The following ARHGAP32 variants were observed in gnomAD, a reference collection of about 807,000 sequenced individuals.
ARHGAP32 encodes the protein rho GTPase-activating protein 32.
Under a neutral mutation model 186.5 loss-of-function variants are expected in ARHGAP32, and 51 were observed. The observed-to-expected ratio is 0.27, with a 90% confidence interval of 0.22 to 0.35. ARHGAP32 has a LOEUF of 0.35. ARHGAP32 is among the 10% of genes least tolerant of loss of function. The pLI is 1.00. For synonymous variants in ARHGAP32, 950 were observed against 964.3 expected (o/e 0.99, Z 0.27); for missense variants, 2,186 against 2,623.5 (o/e 0.83, Z 3.64).
chr11:128,974,653 C>A lies in ARHGAP32; in HGVS notation c.2544G>T (p.Lys848Asn). ...YSKDKPSANK[K>N]DAETGSSQCQ... ...ATTGGCTACTACCTGTTTCTGCATC[C>A]TTTTTATTGGCACTTGGTTTATCCT... The change falls in exon 21 of 23, where the codon AAG becomes AAT. Residue 848 changes from lysine (K) to asparagine (N), a missense_variant. Physicochemically the swap from Lys to Asn is moderately conservative, Grantham distance 94. Around this residue, in one of 5 missense-constraint regions of ARHGAP32, gnomAD observed 263 missense variants for 323.5 expected, o/e 0.81. Transcript: ENST00000682385. 1 of 1,614,150 alleles carries A rather than the reference C, an allele frequency of 6.2e-7. No individual in the cohort carries two copies. Among genetic ancestry groups the A allele is most frequent in the African/African-American group, 1.3e-5 (1 of 75,026 alleles).
chr11:129,230,004 A>G lies in ARHGAP32; in HGVS notation c.-5+49142T>C, dbSNP rs142708572. Among the ~76,000 whole-genome samples the G allele has an allele frequency of 2.8e-3, 420 of 152,166 alleles. 3 individuals carry two copies. The highest frequency in any genetic ancestry group is 9.7e-3 in the African/African-American group (402 of 41,516). Reference sequence around the variant, plus strand: ...TAATTTTTGTAATTTTTATAGAGACAAGGTTTTGCCATGTTGCCCAGGCTG... The same window carrying G: ...TAATTTTTGTAATTTTTATAGAGACGAGGTTTTGCCATGTTGCCCAGGCTG... On this transcript the variant is annotated intron_variant, in intron 1 of 6. Coordinates refer to the ARHGAP32 transcript ENST00000525234.
At chr11:129,050,623 C>T (rs957780107) in intron 10 of ARHGAP32, among the ~76,000 whole-genome samples, 8 of 152,122 alleles carry the variant, frequency 5.3e-5, no homozygotes, top group South Asian at 2.1e-4. Context: ...TCCAAAGAGC[C>T]GAAAGTTTTT....
chr11:129,049,172 G>C (rs955904750), intron 10 of ARHGAP32, among the ~76,000 whole-genome samples: 1 of 152,064 alleles, frequency 6.6e-6, no homozygotes, highest in South Asian at 2.1e-4. Context: ...AAGGAAGGGA[G>C]GAAGATAAGA....
At chr11:128,996,194 C>G (rs1002750571) in intron 12 of ARHGAP32, among the ~76,000 whole-genome samples, 11 of 152,104 alleles carry the variant, frequency 7.2e-5, no homozygotes, top group Non-Finnish European at 1.5e-4. Context: ...TCCATGATTA[C>G]AAATAAGGAT....
At chr11:129,026,443 G>A (rs1281143238) in intron 11 of ARHGAP32, among the ~76,000 whole-genome samples, 1 of 151,912 alleles carries the variant, frequency 6.6e-6, no homozygotes, top group African/African-American at 2.4e-5. Flanking sequence ...GGTGGGAGAG[G>A]CAAAAGGAGA....
chr11:128,998,310 T>C lies in ARHGAP32; in HGVS notation c.1195+9A>G, dbSNP rs1434579914. The C allele has an allele frequency of 6.4e-7, 1 of 1,558,238 alleles. No homozygotes were observed. Among genetic ancestry groups the C allele is most frequent in the Non-Finnish European group, 8.7e-7 (1 of 1,149,352 alleles). On this transcript the variant is annotated intron_variant, in intron 12 of 22. Transcript: ENST00000682385. The stretch of plus-strand genomic sequence containing the variant: ...ACTCAGAGTATAAGCTTGCACATTT[T>C]ATTTTTACCTTCAAAACCAGAATTT...
rs1945714135 is a variant in ARHGAP32, at chr11:128,981,859, A to G, written c.1604T>C (p.Leu535Pro). Residue 535 changes from leucine to proline, a missense_variant, in exon 16 of 23, where the codon CTA (leucine) becomes CCA (proline). Leu to Pro is a moderately conservative substitution (Grantham distance 98, BLOSUM62 -3). This residue lies in a region of ARHGAP32 where 308 missense variants were observed against 596.5 expected (regional missense o/e 0.52). Transcript: ENST00000682385. Reference protein sequence around the residue: ...CSITNMHAKNLAIVWAPNLLR... With the variant: ...CSITNMHAKNPAIVWAPNLLR... The stretch of plus-strand genomic sequence containing the variant: ...CAGGTTTGGAGCCCAAACAATTGCT[A>G]GATTTTTTGCATGCATATTTGTGAT... 1 of 1,613,138 alleles carries G rather than the reference A, an allele frequency of 6.2e-7. No individual in the cohort carries two copies. Among genetic ancestry groups the G allele is most frequent in the Non-Finnish European group, 8.5e-7 (1 of 1,179,564 alleles).
chr11:128,982,861 A>T (rs1280967367), intron 15 of ARHGAP32, among the ~76,000 whole-genome samples: 1 of 142,660 alleles, frequency 7.0e-6, no homozygotes, highest in Admixed American at 7.5e-5. Context: ...ACTGCACTCC[A>T]GCCTGGGTGA....
Position 129,047,721 on chromosome 11 carries a change from A to T in ARHGAP32, c.964-6712T>A, listed in dbSNP as rs567797103. Among the ~76,000 whole-genome samples the T allele has an allele frequency of 1.4e-4, 22 of 152,270 alleles. No homozygotes were observed. In the East Asian group the frequency reaches 4.3e-3, roughly 29 times the overall value. On this transcript the variant is annotated intron_variant, in intron 10 of 22. Coordinates refer to ENST00000682385, the MANE Select transcript of ARHGAP32 (RefSeq NM_001378024.1). ...TTCTCCCCACTCCCGAAACATGCTTAAAGAACCTAATCTTCTTTAGAGTCT... is the reference window on the plus strand; with the variant it reads ...TTCTCCCCACTCCCGAAACATGCTTTAAGAACCTAATCTTCTTTAGAGTCT...
In ARHGAP32 at chr11:129,180,223, C is replaced by T. The variant is rs531376836; in HGVS notation, c.116+11860G>A. On this transcript the variant is annotated intron_variant, in intron 1 of 22. Coordinates refer to ENST00000682385, the MANE Select transcript of ARHGAP32 (RefSeq NM_001378024.1). Reference sequence around the variant, plus strand: ...AGGAATTTGCAAAAAGTAGATGAATCTCATAAATGTTGTGCAACAGAAGTC... The same window carrying T: ...AGGAATTTGCAAAAAGTAGATGAATTTCATAAATGTTGTGCAACAGAAGTC... Among the ~76,000 whole-genome samples, 752 of 152,152 alleles carry T rather than the reference C, an allele frequency of 4.9e-3. 1 individual carries two copies. The highest frequency in any genetic ancestry group is 0.017 in the African/African-American group (724 of 41,532).
At chr11:128,983,908 G>T (rs983551139) in intron 15 of ARHGAP32, among the ~76,000 whole-genome samples, 1 of 152,142 alleles carries the variant, frequency 6.6e-6, no homozygotes, top group Non-Finnish European at 1.5e-5. Flanking sequence ...CAGCAGATGA[G>T]AGTGTGAATT....
intron 11 of ARHGAP32, among the ~76,000 whole-genome samples, chr11:129,011,123 T>C (rs1277556938): frequency 6.6e-6 from 1 of 152,208 alleles, no homozygotes; most frequent in Non-Finnish European, 1.5e-5. Context: ...AATGATTAAA[T>C]AGTAATACGG....
Position 129,192,120 on chromosome 11 carries a change from T to A in ARHGAP32, c.79A>T (p.Thr27Ser). 1 of 1,613,758 alleles carries A rather than the reference T, an allele frequency of 6.2e-7. No homozygotes were observed. The highest frequency in any genetic ancestry group is 8.5e-7 in the Non-Finnish European group (1 of 1,179,794). The change falls in exon 1 of 23, where the codon ACT becomes TCT. Residue 27 changes from threonine (T) to serine (S), a missense_variant. Coordinates refer to ENST00000682385, the MANE Select transcript of ARHGAP32 (RefSeq NM_001378024.1). ...WLESEVIIQV[T>S]DCEEEEREEK... The stretch of plus-strand genomic sequence containing the variant: ...TCCCTTTCTTCCTCTTCACAGTCAG[T>A]CACCTGGATTATAACTTCAGACTCC...
intron 7 of ARHGAP32, 40 bp downstream of exon 7, chr11:129,066,691 T>C (rs754576776): frequency 1.9e-5 from 30 of 1,591,744 alleles, no homozygotes; most frequent in Non-Finnish European, 2.5e-5. Flanking sequence ...CAAACTCATA[T>C]ATAGTGATTA....
At chr11:129,063,757 T>C (rs1940592531) in intron 9 of ARHGAP32, 145 bp downstream of exon 9, 3 of 896,114 alleles carry the variant, frequency 3.3e-6, no homozygotes, top group South Asian at 4.8e-5. Flanking sequence ...AAATAGAAGA[T>C]ATTACAGGCT....
chr11:129,260,180 C>T (rs1477923502), intron 1 of ARHGAP32, among the ~76,000 whole-genome samples: 3 of 152,280 alleles, frequency 2.0e-5, no homozygotes, highest in African/African-American at 7.2e-5. Flanking sequence ...ATTTCATTTA[C>T]ACTTCAACCA....
intron 1 of ARHGAP32, among the ~76,000 whole-genome samples, chr11:129,227,676 A>C (rs1364189929): frequency 6.6e-6 from 1 of 152,126 alleles, no homozygotes; most frequent in Non-Finnish European, 1.5e-5. Context: ...TACTAGAGAC[A>C]AGGGATACTT....
At chr11:129,090,244 A>G (rs1941535056) in intron 6 of ARHGAP32, among the ~76,000 whole-genome samples, 1 of 152,210 alleles carries the variant, frequency 6.6e-6, no homozygotes, top group African/African-American at 2.4e-5. Context: ...AAAAGGAGTT[A>G]CTTAATATCA....
chr11:129,071,751 A>G (rs1436309606), intron 6 of ARHGAP32, among the ~76,000 whole-genome samples: 2 of 152,176 alleles, frequency 1.3e-5, no homozygotes, highest in Admixed American at 6.5e-5. Context: ...TATCAAGAAG[A>G]TATCTGCTCT....
Sources: allele counts gnomAD v4.1 joint callset (sites outside exome capture counted in the v4.1 genomes callset), GRCh38; gene constraint gnomAD v4.1.1; regional missense constraint gnomAD v4.1.1; transcripts MANE v1.5; gene names NCBI Gene and HGNC (gene_info 2026-07-23, HGNC 2026-07-21).